Variants in EVL observed in about 807,000 individuals in gnomAD.
EVL encodes the protein Enah/Vasp-like.
EVL carries 21 observed loss-of-function variants against 59.6 expected under a neutral mutation model. The ratio of observed to expected loss-of-function variants is 0.35; its 90% confidence interval spans 0.25 to 0.51. EVL has a LOEUF of 0.51. Ranked by LOEUF, EVL falls within the 20% of genes least tolerant of loss-of-function variation. The probability of loss-of-function intolerance (pLI) is 0.97; values close to 1 mark genes in which losing one functional copy is unlikely to be tolerated. For missense variants in EVL, 462 were observed against 546.6 expected (o/e 0.85, Z 1.54); for synonymous variants, 198 against 203.5 (o/e 0.97, Z 0.23).
chr14:100,038,490 A>C (rs1461298393), intron 1 of EVL, among the ~76,000 whole-genome samples: 2 of 152,254 alleles, frequency 1.3e-5, no homozygotes, highest in Non-Finnish European at 2.9e-5. Context: ...CTGGACAGCC[A>C]GGGCTCTTAG....
chr14:100,067,043 G>A (rs1446718862), intron 1 of EVL, among the ~76,000 whole-genome samples: 1 of 152,210 alleles, frequency 6.6e-6, no homozygotes, highest in Non-Finnish European at 1.5e-5. Context: ...CCAGTGTGGA[G>A]CAGAATTTGT....
chr14:100,019,757 G>A, intron 1 of EVL: 1 of 1,412,928 alleles, frequency 7.1e-7, no homozygotes, highest in Non-Finnish European at 9.6e-7. Context: ...GCTGTGTAAT[G>A]ACAGCTTAGG....
rs950624082 is a variant in EVL, at chr14:100,109,545, G to A, written c.358+11887G>A. 4 of 472,010 alleles carry A rather than the reference G, an allele frequency of 8.5e-6. No homozygotes were observed. The highest frequency in any genetic ancestry group is 6.9e-5 in the East Asian group (1 of 14,486). 29.2% of individuals were successfully genotyped at this position (472,010 alleles called of 1,614,324 possible). ...GTGACTGAACAAGCTCCCAGCTTGC[G>A]CCCATGTCATATTGTGTGCCTCTCA... On this transcript the variant is annotated intron_variant, in intron 3 of 13. Transcript: ENST00000392920. This position sits in a 1 kb window ranked among gnomAD's most constrained non-coding sequence, Gnocchi z 4.3.
At chr14:100,026,311 TTAAA>T (rs140869051) in intron 1 of EVL, among the ~76,000 whole-genome samples, 3,021 of 151,950 alleles carry the variant, frequency 0.02, 110 homozygotes, top group African/African-American at 0.068. Context: ...TAAATATTTG[TTAAA>T]TGAATGAAAG....
At chr14:100,004,565 TAATA>T (rs2060966344) in intron 1 of EVL, among the ~76,000 whole-genome samples, 1 of 152,206 alleles carries the variant, frequency 6.6e-6, no homozygotes, top group Non-Finnish European at 1.5e-5. Flanking sequence ...TTTGTCTTTT[TAATA>T]AATCCTCTTA....
chr14:100,075,602 C>T (rs540885472), intron 1 of EVL, among the ~76,000 whole-genome samples: 13 of 152,262 alleles, frequency 8.5e-5, no homozygotes, highest in African/African-American at 2.6e-4. Context: ...ACACTGAGGA[C>T]GATGGCTCAC....
chr14:100,105,344 G>C (rs905257760), intron 3 of EVL, among the ~76,000 whole-genome samples: 2 of 151,958 alleles, frequency 1.3e-5, no homozygotes, highest in Admixed American at 6.6e-5. Context: ...CTAAGAACAG[G>C]GACCCCAATT....
At chr14:100,017,817 C>T (rs2061062953) in intron 1 of EVL, among the ~76,000 whole-genome samples, 1 of 152,186 alleles carries the variant, frequency 6.6e-6, no homozygotes, top group Non-Finnish European at 1.5e-5. Flanking sequence ...TTTGGGGGAC[C>T]ACAGGATTCC....
chr14:99,992,946 TATTA>T (rs2140179300), intron 1 of EVL, among the ~76,000 whole-genome samples: 1 of 152,248 alleles, frequency 6.6e-6, no homozygotes, highest in South Asian at 2.1e-4. Context: ...CATTTTTTTG[TATTA>T]ATTGAGATGA....
At chr14:100,047,624 A>G (rs1368599595) in intron 1 of EVL, among the ~76,000 whole-genome samples, 1 of 152,148 alleles carries the variant, frequency 6.6e-6, no homozygotes, top group African/African-American at 2.4e-5. Context: ...TGCCTTGCTT[A>G]TATTGTAATA....
intron 1 of EVL, among the ~76,000 whole-genome samples, chr14:100,017,684 A>G (rs192133679): frequency 1.1e-3 from 164 of 152,284 alleles, no homozygotes; most frequent in African/African-American, 3.9e-3. Flanking sequence ...AATGACTTGA[A>G]TATTTTGTTT....
chr14:100,038,375 A>G (rs1464633090), intron 1 of EVL, among the ~76,000 whole-genome samples: 1 of 152,200 alleles, frequency 6.6e-6, no homozygotes, highest in African/African-American at 2.4e-5. Context: ...GGGCCTTCAG[A>G]ATATTTAATT....
chr14:100,055,986 A>G (rs1371682940), intron 1 of EVL, among the ~76,000 whole-genome samples: 4 of 151,558 alleles, frequency 2.6e-5, no homozygotes, highest in African/African-American at 9.7e-5. Context: ...TAATTTTTGT[A>G]TTTTTAGTAG....
intron 1 of EVL, among the ~76,000 whole-genome samples, chr14:99,981,093 G>C (rs542912839): frequency 2.0e-5 from 3 of 151,786 alleles, no homozygotes; most frequent in African/African-American, 7.3e-5. Flanking sequence ...AAAAGTGTAG[G>C]CATCTGCTTT....
At chr14:99,987,487 C>A (rs1370506019) in intron 1 of EVL, among the ~76,000 whole-genome samples, 1 of 152,064 alleles carries the variant, frequency 6.6e-6, no homozygotes, top group Admixed American at 6.5e-5. Context: ...ATTAAAAATA[C>A]AAAACTTAGC....
intron 1 of EVL, among the ~76,000 whole-genome samples, chr14:100,010,050 G>A (rs962672205): frequency 5.9e-5 from 9 of 152,140 alleles, no homozygotes; most frequent in African/African-American, 2.2e-4. Context: ...ACTTAAAAGG[G>A]TGCCTGGCTC....
At chr14:99,991,433 C>G (rs1426945115) in intron 1 of EVL, among the ~76,000 whole-genome samples, 2 of 152,170 alleles carry the variant, frequency 1.3e-5, no homozygotes, top group Non-Finnish European at 2.9e-5. Context: ...TCAGAATCGT[C>G]TATTTTAGAA....
At chr14:100,086,090 C>A (rs1481552219) in intron 2 of EVL, among the ~76,000 whole-genome samples, 1 of 152,164 alleles carries the variant, frequency 6.6e-6, no homozygotes. Flanking sequence ...GATCGCACCA[C>A]GGCACTCCAG....
chr14:99,975,678 G>A (rs1323379438), intron 1 of EVL, among the ~76,000 whole-genome samples: 1 of 152,148 alleles, frequency 6.6e-6, no homozygotes, highest in African/African-American at 2.4e-5. Flanking sequence ...ACGCTTCTAT[G>A]AGAATCTAAT....
Sources: gnomAD v4.1 joint callset for allele counts (sites outside exome capture counted in the v4.1 genomes callset) on GRCh38, gnomAD v4.1.1 for gene constraint, Gnocchi (gnomAD v3.1) non-coding constraint, MANE v1.5 for transcripts, NCBI Gene and HGNC (gene_info 2026-07-23, HGNC 2026-07-21) for gene names.